KALRN: variants seen among roughly 807,000 people sequenced by gnomAD.
The protein encoded by KALRN is kalirin RhoGEF kinase, also known as kalirin.
KALRN carries 70 observed loss-of-function variants against 353.7 expected under a neutral mutation model. The observed-to-expected ratio is 0.20, with a 90% CI of 0.16 to 0.24. KALRN has a LOEUF of 0.24. Among genes scored for constraint, KALRN ranks in the 10% least tolerant of loss-of-function variants. The pLI is 1.00. For missense variants in KALRN, 2,791 were observed against 3,756.7 expected (o/e 0.74, Z 6.72); for synonymous variants, 1,391 against 1,434.8 (o/e 0.97, Z 0.69).
intron 1 of KALRN, among the ~76,000 whole-genome samples, chr3:124,130,438 T>C (rs1003202496): frequency 6.6e-6 from 1 of 152,198 alleles, no homozygotes; most frequent in Non-Finnish European, 1.5e-5. Context: ...GAAACATACA[T>C]GGGGTACCGT....
chr3:124,223,975 G>A (rs148857198), intron 1 of KALRN, among the ~76,000 whole-genome samples: 9 of 152,328 alleles, frequency 5.9e-5, no homozygotes, highest in Non-Finnish European at 1.2e-4. Flanking sequence ...CTTAATAGAT[G>A]TGGAGCATTT....
intron 51 of KALRN, among the ~76,000 whole-genome samples, chr3:124,684,683 T>A (rs912175548): frequency 6.6e-6 from 1 of 152,170 alleles, no homozygotes; most frequent in African/African-American, 2.4e-5. Context: ...CTCCAGCACT[T>A]CTGACTTTGA....
chr3:124,584,398 T>C (rs1309498981), intron 34 of KALRN, among the ~76,000 whole-genome samples: 1 of 152,068 alleles, frequency 6.6e-6, no homozygotes, highest in Non-Finnish European at 1.5e-5. Flanking sequence ...TTTGGCCCCA[T>C]CTAGTTGTAT....
chr3:124,216,205 C>A (rs980884397), intron 1 of KALRN, among the ~76,000 whole-genome samples: 7 of 152,190 alleles, frequency 4.6e-5, no homozygotes, highest in Admixed American at 1.3e-4. Flanking sequence ...TTTATCTCAG[C>A]TAAGGAATCA....
In KALRN at chr3:124,422,916, C is replaced by G. The variant is rs1275911494; in HGVS notation, c.2647C>G (p.Gln883Glu). ...GCATGAATTGGAGCTCAATGCAGAGCAGACTCATAAGCGGCTAGAGCAGTG... is the reference window on the plus strand; with the variant it reads ...GCATGAATTGGAGCTCAATGCAGAGGAGACTCATAAGCGGCTAGAGCAGTG... ...KQHELELNAE[Q>E]THKRLEQCLQ... Residue 883 changes from glutamine (Q) to glutamate (E), a missense_variant, in exon 15 of 60, where the codon CAG (glutamine) becomes GAG (glutamate). This residue lies in a region of KALRN where 452 missense variants were observed against 575.8 expected (regional missense o/e 0.78). Coordinates refer to ENST00000682506, the MANE Select transcript of KALRN (RefSeq NM_001388419.1). The G allele has an allele frequency of 6.2e-7, 1 of 1,613,754 alleles. No individual in the cohort carries two copies. The highest frequency in any genetic ancestry group is 1.3e-5 in the African/African-American group (1 of 74,910).
chr3:124,066,050 G>C (rs1315435373), intron 1 of KALRN, among the ~76,000 whole-genome samples: 1 of 152,152 alleles, frequency 6.6e-6, no homozygotes, highest in African/African-American at 2.4e-5. Flanking sequence ...CTTTTCCCTG[G>C]GAGGGTGGCC....
At chr3:124,575,945 T>A in intron 34 of KALRN, among the ~76,000 whole-genome samples, 1 of 152,106 alleles carries the variant, frequency 6.6e-6, no homozygotes, top group East Asian at 1.9e-4. Context: ...GATGTGGACA[T>A]CTTTGGCGGA....
intron 33 of KALRN, among the ~76,000 whole-genome samples, chr3:124,514,052 G>A (rs2066259587): frequency 6.6e-6 from 1 of 152,180 alleles, no homozygotes; most frequent in Admixed American, 6.5e-5. Context: ...GAGCTGACCT[G>A]AAAGTGTGTT....
chr3:124,255,382 C>T (rs2071799947), intron 3 of KALRN, among the ~76,000 whole-genome samples: 1 of 152,120 alleles, frequency 6.6e-6, no homozygotes, highest in Non-Finnish European at 1.5e-5. Flanking sequence ...TGTCTTGTGT[C>T]CACCTCTCCT....
Position 124,562,997 on chromosome 3 carries a change from C to T in KALRN, c.5090C>T (p.Pro1697Leu), listed in dbSNP as rs78202770. 2.6e-5 allele frequency: 36 copies of T among 1,367,778 alleles called. No homozygotes were observed. Among genetic ancestry groups the T allele is most frequent in the African/African-American group, 2.4e-4 (16 of 67,756 alleles). The allele number at this position is 1,367,778 out of a possible 1,614,324, so 84.7% of individuals were successfully genotyped here. ...CTGGTCCGTACCACCGAACGGAGCCCGCCCTTGGAGGGTCTGGTCCCCAGC... is the reference window on the plus strand; with the variant it reads ...CTGGTCCGTACCACCGAACGGAGCCTGCCCTTGGAGGGTCTGGTCCCCAGC... ...WCLVRTTERS[P>L]PLEGLVPSSA... The change falls in exon 34 of 60, where the codon CCG becomes CTG. Residue 1697 changes from proline to leucine, a missense_variant. This residue lies in a region of KALRN where 239 missense variants were observed against 351.3 expected (regional missense o/e 0.68). Coordinates refer to ENST00000682506, the MANE Select transcript of KALRN (RefSeq NM_001388419.1).
intron 51 of KALRN, among the ~76,000 whole-genome samples, chr3:124,692,937 C>T (rs2061887892): frequency 6.6e-6 from 1 of 152,138 alleles, no homozygotes; most frequent in Non-Finnish European, 1.5e-5. Flanking sequence ...GGAAAAGTGA[C>T]CATCTCCTCA....
At chr3:124,230,955 C>T (rs1579731016) in intron 2 of KALRN, among the ~76,000 whole-genome samples, 1 of 148,956 alleles carries the variant, frequency 6.7e-6, no homozygotes. Flanking sequence ...AATGAAGAAA[C>T]CTATAATTAA....
At chr3:124,205,091 G>C (rs900976444) in intron 1 of KALRN, among the ~76,000 whole-genome samples, 5 of 152,158 alleles carry the variant, frequency 3.3e-5, no homozygotes, top group African/African-American at 1.2e-4. Context: ...ACATAGTGTT[G>C]CCTTGCCATA....
At chr3:124,717,977 A>G (rs1189070833) in intron 59 of KALRN, among the ~76,000 whole-genome samples, 1 of 150,866 alleles carries the variant, frequency 6.6e-6, no homozygotes, top group Non-Finnish European at 1.5e-5. Flanking sequence ...ATGCCCAGCT[A>G]ATTTTTGTAT....
chr3:124,710,593 C>T (rs946834867), intron 57 of KALRN, among the ~76,000 whole-genome samples: 3 of 152,154 alleles, frequency 2.0e-5, no homozygotes, highest in African/African-American at 7.2e-5. Context: ...TCAAGACCAG[C>T]CTCGGCAATA....
At chr3:124,230,085 A>G (rs1245376627) in intron 2 of KALRN, among the ~76,000 whole-genome samples, 2 of 152,262 alleles carry the variant, frequency 1.3e-5, no homozygotes. Context: ...GCCACTGAGC[A>G]GTGCCAGGCC....
At chr3:124,517,433 C>CTGAG (rs2066742308) in intron 33 of KALRN, among the ~76,000 whole-genome samples, 1 of 152,168 alleles carries the variant, frequency 6.6e-6, no homozygotes, top group African/African-American at 2.4e-5. Context: ...CATCATGGAG[C>CTGAG]TGAGCCACAG....
chr3:124,690,779 T>C (rs1036906554), intron 51 of KALRN, among the ~76,000 whole-genome samples: 2 of 152,216 alleles, frequency 1.3e-5, no homozygotes, highest in African/African-American at 4.8e-5. Flanking sequence ...GAGTAGCTTA[T>C]GCGAACTTCA....
chr3:124,578,109 C>A (rs2074293777), intron 34 of KALRN, among the ~76,000 whole-genome samples: 1 of 152,134 alleles, frequency 6.6e-6, no homozygotes. Context: ...TAGAATTCAC[C>A]CTGTTCTTCT....
Sources: allele counts gnomAD v4.1 joint callset (sites outside exome capture counted in the v4.1 genomes callset), GRCh38; gene constraint gnomAD v4.1.1; regional missense constraint gnomAD v4.1.1; transcripts MANE v1.5; gene names NCBI Gene and HGNC (gene_info 2026-07-23, HGNC 2026-07-21).